TTLL11: variants seen among roughly 807,000 people sequenced by gnomAD.
TTLL11 encodes the protein tubulin tyrosine ligase like 11.
TTLL11 carries 42 observed loss-of-function variants against 51.7 expected under a neutral mutation model. The ratio of observed to expected loss-of-function variants is 0.81; its 90% CI spans 0.64 to 1.05. The LOEUF (loss-of-function observed/expected upper bound fraction) is 1.05. TTLL11 is among the 50% of genes least tolerant of loss of function. TTLL11 has a pLI of 0.00. For missense variants in TTLL11, 799 were observed against 940.4 expected (o/e 0.85, Z 1.97); for synonymous variants, 381 against 383.5 (o/e 0.99, Z 0.08).
At chr9:122,031,395 G>A (rs1049194914) in intron 3 of TTLL11, among the ~76,000 whole-genome samples, 1 of 152,148 alleles carries the variant, frequency 6.6e-6, no homozygotes, top group Non-Finnish European at 1.5e-5. Context: ...TCCCCCAGCG[G>A]CCCCATCCTA....
At chr9:121,905,723 G>T (rs977252300) in intron 6 of TTLL11, among the ~76,000 whole-genome samples, 23 of 152,236 alleles carry the variant, frequency 1.5e-4, no homozygotes, top group African/African-American at 5.5e-4. Context: ...TTTAATGACA[G>T]AATGACAATC....
At chr9:121,826,555 G>GTA (rs1230489015) in intron 8 of TTLL11, among the ~76,000 whole-genome samples, 2,454 of 48,058 alleles carry the variant, frequency 0.051, 261 homozygotes, top group African/African-American at 0.22. Context: ...ATATATGTGT[G>GTA]TGTATATATA....
intron 1 of TTLL11, among the ~76,000 whole-genome samples, chr9:122,081,712 T>G (rs1449142694): frequency 6.6e-6 from 1 of 152,218 alleles, no homozygotes; most frequent in Non-Finnish European, 1.5e-5. Flanking sequence ...TTAAGGACTG[T>G]TTTTAGTGAA....
At chr9:121,925,724 T>G (rs1203533734) in intron 6 of TTLL11, among the ~76,000 whole-genome samples, 1 of 152,192 alleles carries the variant, frequency 6.6e-6, no homozygotes, top group Non-Finnish European at 1.5e-5. Context: ...GGGGCTGGTC[T>G]CTGAATCTCT....
At chr9:122,083,800 ACT>A (rs1846055112) in intron 1 of TTLL11, among the ~76,000 whole-genome samples, 1 of 151,800 alleles carries the variant, frequency 6.6e-6, no homozygotes, top group Non-Finnish European at 1.5e-5. Context: ...ACAGAGCAAG[ACT>A]CTATCTCGAA....
chr9:122,043,479 C>A (rs1311463780), intron 1 of TTLL11, among the ~76,000 whole-genome samples: 1 of 152,032 alleles, frequency 6.6e-6, no homozygotes, highest in Non-Finnish European at 1.5e-5. Flanking sequence ...ATACCATATA[C>A]AAAAATTAAC....
At chr9:121,884,478 G>A (rs534607878) in intron 6 of TTLL11, among the ~76,000 whole-genome samples, 50 of 152,234 alleles carry the variant, frequency 3.3e-4, no homozygotes, top group African/African-American at 1.2e-3. Context: ...AAACACACAC[G>A]CGGGAGAGGG....
At chr9:121,860,677 T>G (rs907990421) in intron 7 of TTLL11, among the ~76,000 whole-genome samples, 5 of 152,322 alleles carry the variant, frequency 3.3e-5, no homozygotes, top group Non-Finnish European at 5.9e-5. Context: ...CTAGAGAGCC[T>G]GCCTCCTCTC....
At chr9:121,903,114 C>G (rs1839827321) in intron 6 of TTLL11, among the ~76,000 whole-genome samples, 1 of 152,154 alleles carries the variant, frequency 6.6e-6, no homozygotes, top group South Asian at 2.1e-4. Context: ...CTCTCAGAGG[C>G]CTGCAATGTA....
chr9:121,995,325 T>C lies in TTLL11; in HGVS notation c.694-5555A>G, dbSNP rs1346745209. On this transcript the variant is annotated intron_variant, in intron 3 of 8. Coordinates refer to ENST00000321582, the MANE Select transcript of TTLL11 (RefSeq NM_001139442.2). The surrounding 1 kb of genome is among the most constrained non-coding windows in gnomAD (Gnocchi z 4.4). ...CTGGCGAGGGACATGCATCCACGCA[T>C]CACCAGGGCACCCAGGAGGAAGATA... 1.3e-5 allele frequency among the ~76,000 whole-genome samples: 2 copies of C among 152,058 alleles called. No individual in the cohort carries two copies. Among genetic ancestry groups the C allele is most frequent in the Non-Finnish European group, 2.9e-5 (2 of 68,006 alleles).
chr9:121,894,708 A>T (rs949012625), intron 6 of TTLL11, among the ~76,000 whole-genome samples: 5 of 152,138 alleles, frequency 3.3e-5, no homozygotes, highest in African/African-American at 1.2e-4. Context: ...ATGAGAACAC[A>T]TGGACACAAG....
At chr9:121,894,366 C>T (rs1490895507) in intron 6 of TTLL11, among the ~76,000 whole-genome samples, 1 of 152,114 alleles carries the variant, frequency 6.6e-6, no homozygotes. Flanking sequence ...ACCAGAAATG[C>T]CATTTGATCC....
intron 7 of TTLL11, 134 bp from the exon 8 acceptor site, chr9:121,860,577 T>C (rs2131380341): frequency 1.4e-6 from 1 of 717,020 alleles, no homozygotes; most frequent in Non-Finnish European, 2.3e-6. Flanking sequence ...TCCAATGTGA[T>C]GGTGTTAGGA....
At chr9:121,928,670 A>G (rs1840840569) in intron 6 of TTLL11, among the ~76,000 whole-genome samples, 1 of 151,788 alleles carries the variant, frequency 6.6e-6, no homozygotes, top group African/African-American at 2.4e-5. Context: ...TGATTTCCTG[A>G]CCTCATGGTC....
chr9:122,051,468 G>C (rs182020315), intron 1 of TTLL11, among the ~76,000 whole-genome samples: 66 of 152,206 alleles, frequency 4.3e-4, no homozygotes, highest in Middle Eastern at 3.4e-3. Flanking sequence ...ATACCACATC[G>C]CCTTTGGCCT....
intron 6 of TTLL11, among the ~76,000 whole-genome samples, chr9:121,912,136 A>C (rs1422458472): frequency 6.6e-6 from 1 of 152,224 alleles, no homozygotes; most frequent in Non-Finnish European, 1.5e-5. Context: ...GCAGGTAGAC[A>C]GAGCAGGGCC....
At chr9:121,886,142 T>C (rs1839004901) in intron 6 of TTLL11, among the ~76,000 whole-genome samples, 1 of 152,158 alleles carries the variant, frequency 6.6e-6, no homozygotes, top group Non-Finnish European at 1.5e-5. Context: ...CCATAGAGTG[T>C]CTTAGCTCAG....
At chr9:121,873,352 T>A (rs1359829110) in intron 6 of TTLL11, among the ~76,000 whole-genome samples, 1 of 152,020 alleles carries the variant, frequency 6.6e-6, no homozygotes, top group African/African-American at 2.4e-5. Flanking sequence ...CCACTGCTCT[T>A]TCTATTTTAC....
At position 121,853,173 on chromosome 9, in the gene TTLL11, C is replaced by A. The variant is rs558062042; in HGVS notation, c.1840+7164G>T. Among the ~76,000 whole-genome samples the A allele has an allele frequency of 6.6e-6, 1 of 152,316 alleles. No homozygotes were observed. The highest frequency in any genetic ancestry group is 2.1e-4 in the South Asian group (1 of 4,824). The stretch of plus-strand genomic sequence containing the variant: ...AGACACCCATGGGATTGGTGGGTTG[C>A]CGCGGCTGAGCCCTGGTCCATGGGA... On this transcript the variant is annotated intron_variant, in intron 8 of 8. Coordinates refer to ENST00000321582, the MANE Select transcript of TTLL11 (RefSeq NM_001139442.2). The surrounding 1 kb of genome is among the most constrained non-coding windows in gnomAD (Gnocchi z 5.6).
Sources: allele counts gnomAD v4.1 joint callset (sites outside exome capture counted in the v4.1 genomes callset), GRCh38; gene constraint gnomAD v4.1.1; non-coding constraint Gnocchi (gnomAD v3.1); transcripts MANE v1.5; gene names NCBI Gene and HGNC (gene_info 2026-07-23, HGNC 2026-07-21).